Variants in PPP6R3 observed in about 807,000 individuals in gnomAD.
PPP6R3 encodes the protein protein phosphatase 6 regulatory subunit 3.
Under a neutral mutation model 110.7 loss-of-function variants are expected in PPP6R3, and 38 were observed. The observed-to-expected ratio is 0.34, with a 90% confidence interval of 0.26 to 0.45. PPP6R3 has a LOEUF of 0.45. Among genes scored for constraint, PPP6R3 ranks in the 20% least tolerant of loss-of-function variants. PPP6R3 has a pLI of 1.00. For synonymous variants in PPP6R3, 369 were observed against 373.5 expected (o/e 0.99, Z 0.14); for missense variants, 870 against 1,062.4 (o/e 0.82, Z 2.52).
chr11:68,473,112 C>A (rs1318614605), intron 1 of PPP6R3, among the ~76,000 whole-genome samples: 1 of 152,126 alleles, frequency 6.6e-6, no homozygotes, highest in Non-Finnish European at 1.5e-5. Flanking sequence ...TTTTTGTATG[C>A]GAATGAGTTG....
intron 1 of PPP6R3, among the ~76,000 whole-genome samples, chr11:68,495,704 G>A (rs2099011086): frequency 6.6e-6 from 1 of 152,172 alleles, no homozygotes; most frequent in Admixed American, 6.5e-5. Context: ...ATTATGTGGG[G>A]AATATTACCT....
Position 68,510,400 on chromosome 11 carries a change from C to T in PPP6R3, c.-157-9101C>T, listed in dbSNP as rs74364660. On this transcript the variant is annotated intron_variant, in intron 1 of 23. Transcript: ENST00000393800. Reference sequence around the variant, plus strand: ...TAGCCCAGGCTGGAGTGCTGTGGCGCGACACAGTTTACCGTAGCCTCAACC... The same window carrying T: ...TAGCCCAGGCTGGAGTGCTGTGGCGTGACACAGTTTACCGTAGCCTCAACC... Among the ~76,000 whole-genome samples, 675 of 151,756 alleles carry T rather than the reference C, an allele frequency of 4.4e-3. 3 individuals are homozygous for T. Among genetic ancestry groups the T allele is most frequent in the African/African-American group, 0.015 (628 of 41,384 alleles).
intron 1 of PPP6R3, among the ~76,000 whole-genome samples, chr11:68,489,357 T>G (rs2098968865): frequency 6.6e-6 from 1 of 152,186 alleles, no homozygotes; most frequent in Non-Finnish European, 1.5e-5. Context: ...TTATATGATT[T>G]CCATTTTTAT....
At chr11:68,609,628 G>T in intron 22 of PPP6R3, 1 of 1,552,390 alleles carries the variant, frequency 6.4e-7, no homozygotes, top group Non-Finnish European at 8.7e-7. Context: ...AAATCCTATC[G>T]GTATGTACAG....
intron 6 of PPP6R3, among the ~76,000 whole-genome samples, chr11:68,553,138 G>GAGTATTGGGAGT (rs2153703015): frequency 6.6e-6 from 1 of 152,246 alleles, no homozygotes; most frequent in African/African-American, 2.4e-5. Flanking sequence ...GGAGCACATT[G>GAGTATTGGGAGT]CTCAGTCTTT....
intron 1 of PPP6R3, among the ~76,000 whole-genome samples, chr11:68,506,443 A>AAAAAAT: frequency 6.8e-6 from 1 of 146,564 alleles, no homozygotes; most frequent in Middle Eastern, 3.2e-3. Flanking sequence ...AAAAAAAAAA[A>AAAAAAT]AAAAATTCCT....
intron 22 of PPP6R3, among the ~76,000 whole-genome samples, chr11:68,608,896 T>C (rs1289004117): frequency 6.6e-6 from 1 of 152,050 alleles, no homozygotes; most frequent in African/African-American, 2.4e-5. Flanking sequence ...AAGAGTAACT[T>C]TACAAAGAAG....
intron 9 of PPP6R3, among the ~76,000 whole-genome samples, chr11:68,565,507 G>A (rs1039782051): frequency 1.3e-5 from 2 of 151,976 alleles, no homozygotes; most frequent in Admixed American, 1.3e-4. Flanking sequence ...AAGAAAAACA[G>A]AGTAAGGAAA....
intron 14 of PPP6R3, among the ~76,000 whole-genome samples, chr11:68,582,407 A>C (rs549074622): frequency 6.6e-5 from 10 of 152,300 alleles, no homozygotes; most frequent in African/African-American, 2.2e-4. Flanking sequence ...TGAGCAGTTC[A>C]TGTTTGTGTT....
In PPP6R3 at chr11:68,614,739, T is replaced by G. The variant is rs1944895152; in HGVS notation, c.*1622T>G. 1.3e-6 allele frequency: 2 copies of G among 1,535,330 alleles called. No individual in the cohort carries two copies. The highest frequency in any genetic ancestry group is 1.8e-6 in the Non-Finnish European group (2 of 1,137,232). On this transcript the variant is annotated 3_prime_UTR_variant, in exon 24 of 24. Transcript: ENST00000393800. ...TTTGCACGCCTCCTCAGGAACCCCC[T>G]TTCCCGGGTGAGCCCCTCTCTGAAG...
chr11:68,553,418 C>T (rs1293547501), intron 6 of PPP6R3, among the ~76,000 whole-genome samples: 3 of 151,852 alleles, frequency 2.0e-5, no homozygotes, highest in Non-Finnish European at 2.9e-5. Flanking sequence ...CTCAGCCTCC[C>T]GAGTAGCTGG....
chr11:68,610,424 C>T (rs1237611261), intron 23 of PPP6R3, among the ~76,000 whole-genome samples: 2 of 152,190 alleles, frequency 1.3e-5, no homozygotes, highest in East Asian at 3.9e-4. Context: ...ATCGTGGTGC[C>T]TATTTGCCCA....
At chr11:68,485,349 A>G (rs1295377608) in intron 1 of PPP6R3, among the ~76,000 whole-genome samples, 2 of 107,994 alleles carry the variant, frequency 1.9e-5, no homozygotes, top group Non-Finnish European at 3.9e-5. Context: ...GTTTTATTTT[A>G]TGCTTTCCAA....
chr11:68,538,847 C>T (rs552589997), intron 3 of PPP6R3, among the ~76,000 whole-genome samples: 4 of 152,298 alleles, frequency 2.6e-5, no homozygotes, highest in East Asian at 1.9e-4. Context: ...AGGCTGGGCG[C>T]GGTGGCTCAT....
At chr11:68,579,984 C>T (rs189322109) in intron 14 of PPP6R3, among the ~76,000 whole-genome samples, 1 of 152,234 alleles carries the variant, frequency 6.6e-6, no homozygotes, top group Non-Finnish European at 1.5e-5. Context: ...TGCATGACTG[C>T]GCGTGTTTCA....
At chr11:68,506,325 C>CT (rs2099076149) in intron 1 of PPP6R3, among the ~76,000 whole-genome samples, 1 of 141,442 alleles carries the variant, frequency 7.1e-6, no homozygotes, top group South Asian at 2.3e-4. Context: ...AGGCTGATCT[C>CT]TAAGTCCTGG....
intron 1 of PPP6R3, among the ~76,000 whole-genome samples, chr11:68,466,247 C>A (rs1191949303): frequency 6.6e-6 from 1 of 152,044 alleles, no homozygotes; most frequent in Non-Finnish European, 1.5e-5. Flanking sequence ...TTCTCACCCC[C>A]TTTAGTTTTA....
chr11:68,474,850 C>G (rs1467186721), intron 1 of PPP6R3, among the ~76,000 whole-genome samples: 1 of 152,076 alleles, frequency 6.6e-6, no homozygotes, highest in Non-Finnish European at 1.5e-5. Flanking sequence ...AAAATTCTGA[C>G]TTACTATCTT....
chr11:68,568,958 G>T (rs1303030673), intron 10 of PPP6R3, among the ~76,000 whole-genome samples: 2 of 151,968 alleles, frequency 1.3e-5, no homozygotes, highest in Admixed American at 6.6e-5. Flanking sequence ...TAGAGACGGG[G>T]TTTCACCGTG....
Sources: gnomAD v4.1 joint callset for allele counts (sites outside exome capture counted in the v4.1 genomes callset) on GRCh38, gnomAD v4.1.1 for gene constraint, MANE v1.5 for transcripts, NCBI Gene and HGNC (gene_info 2026-07-23, HGNC 2026-07-21) for gene names.